Variants in ACER2 observed in about 807,000 individuals in gnomAD.
ACER2 encodes alkaline ceramidase 2, also known as alkCDase 2.
ACER2 carries 26 observed loss-of-function variants against 34.7 expected under a neutral mutation model. That is an observed-to-expected ratio of 0.75 (90% confidence interval 0.55 to 1.04). The LOEUF is 1.04. Ranked by LOEUF, ACER2 falls within the 50% of genes least tolerant of loss-of-function variation. The pLI is 0.00. For missense variants in ACER2, 352 were observed against 340.8 expected, an observed-to-expected ratio of 1.03 and a Z score of -0.26; for synonymous variants, 138 against 132.1, an observed-to-expected ratio of 1.04 and a Z score of -0.31.
At chr9:19,445,603 A>G (rs774164221) in intron 4 of ACER2, among the ~76,000 whole-genome samples, 14 of 152,220 alleles carry the variant, frequency 9.2e-5, no homozygotes, top group Non-Finnish European at 1.2e-4. Context: ...ATTCCAGGCA[A>G]GAGGGCACAG....
At chr9:19,444,751 C>G (rs575402854) in intron 4 of ACER2, among the ~76,000 whole-genome samples, 2 of 152,302 alleles carry the variant, frequency 1.3e-5, no homozygotes, top group African/African-American at 4.8e-5. Context: ...AAAGGCGAGG[C>G]ATTCAAGGTA....
chr9:19,444,247 T>TG (rs1831265944), intron 4 of ACER2, among the ~76,000 whole-genome samples: 1 of 149,816 alleles, frequency 6.7e-6, no homozygotes, highest in East Asian at 2.0e-4. Context: ...AGTCTTGCTC[T>TG]GTCCCCTGGG....
chr9:19,418,729 G>T (rs1449564994), intron 1 of ACER2, among the ~76,000 whole-genome samples: 1 of 152,134 alleles, frequency 6.6e-6, no homozygotes, highest in East Asian at 1.9e-4. Flanking sequence ...AGCATTAGGA[G>T]AAATACCTAA....
chr9:19,433,569 C>G (rs1013492111), intron 3 of ACER2, among the ~76,000 whole-genome samples: 1 of 152,138 alleles, frequency 6.6e-6, no homozygotes, highest in African/African-American at 2.4e-5. Context: ...TACACAGACA[C>G]GGCAACCATC....
intron 3 of ACER2, among the ~76,000 whole-genome samples, chr9:19,432,468 G>A (rs1830785559): frequency 6.6e-6 from 1 of 151,952 alleles, no homozygotes; most frequent in Non-Finnish European, 1.5e-5. Context: ...TTGGCACCCA[G>A]CCATGCTCCT....
intron 4 of ACER2, among the ~76,000 whole-genome samples, chr9:19,440,714 CCCTGAAAGATCT>C (rs751868665): frequency 7.9e-4 from 120 of 152,282 alleles, no homozygotes; most frequent in Non-Finnish European, 1.4e-3. Flanking sequence ...TTTTACGTCC[CCCTGAAAGATCT>C]CCTCTACTTC....
At chr9:19,445,764 C>T (rs1458004525) in intron 4 of ACER2, among the ~76,000 whole-genome samples, 1 of 152,106 alleles carries the variant, frequency 6.6e-6, no homozygotes, top group Non-Finnish European at 1.5e-5. Flanking sequence ...GGCCTTGTGG[C>T]CACTGTGAAT....
At chr9:19,424,289 A>G in intron 2 of ACER2, 2 of 900,642 alleles carry the variant, frequency 2.2e-6, no homozygotes, top group African/African-American at 1.8e-5. Flanking sequence ...CTAATGGACT[A>G]AAATTAAAGA....
At chr9:19,424,917 A>G in intron 3 of ACER2, 76 bp downstream of exon 3, 1 of 1,556,696 alleles carries the variant, frequency 6.4e-7, no homozygotes, top group Non-Finnish European at 8.7e-7. Flanking sequence ...ATGAAGAAAA[A>G]TAGCACATGA....
chr9:19,446,286 A>G lies in ACER2; in HGVS notation c.509A>G (p.Asp170Gly). 6.2e-7 allele frequency: 1 copy of G among 1,614,126 alleles called. No individual in the cohort carries two copies. The highest frequency in any genetic ancestry group is 8.5e-7 in the Non-Finnish European group (1 of 1,180,022). Residue 170 changes from aspartate (D) to glycine (G), a missense_variant, in exon 5 of 6, where the codon GAC (aspartate) becomes GGC (glycine). Asp to Gly is a moderately conservative substitution (Grantham distance 94). Transcript: ENST00000340967. ...ALLIAELKRC[D>G]NMRVFKLGLF... is the part of the protein sequence containing the mutation. ...CTCTCTGGACCCCCGTGCAGGTGTG[A>G]CAACATGCGTGTGTTTAAGCTGGGC...
intron 1 of ACER2, among the ~76,000 whole-genome samples, chr9:19,416,577 G>A (rs1035362770): frequency 3.0e-4 from 45 of 152,136 alleles, no homozygotes; most frequent in African/African-American, 9.4e-4. Context: ...CCAGGCTGGA[G>A]TGCAATGGTG....
chr9:19,426,841 C>G (rs1254802728), intron 3 of ACER2, among the ~76,000 whole-genome samples: 1 of 151,940 alleles, frequency 6.6e-6, no homozygotes, highest in East Asian at 1.9e-4. Flanking sequence ...GCAGGAAGAT[C>G]TCTTGAGCCC....
chr9:19,419,254 T>G (rs1323257752), intron 1 of ACER2, among the ~76,000 whole-genome samples: 1 of 152,188 alleles, frequency 6.6e-6, no homozygotes, highest in Non-Finnish European at 1.5e-5. Flanking sequence ...TTGTCCTGAT[T>G]CCTCCATGCC....
chr9:19,419,612 A>G (rs1830340881), intron 1 of ACER2, among the ~76,000 whole-genome samples: 1 of 152,100 alleles, frequency 6.6e-6, no homozygotes, highest in Admixed American at 6.5e-5. Flanking sequence ...CTAAAAATAC[A>G]AAAATTAGCC....
At chr9:19,435,779 G>A (rs1188561415) in intron 4 of ACER2, among the ~76,000 whole-genome samples, 1 of 151,616 alleles carries the variant, frequency 6.6e-6, no homozygotes, top group Non-Finnish European at 1.5e-5. Flanking sequence ...GCCGGGCGCA[G>A]TGGCTCATGC....
intron 5 of ACER2, among the ~76,000 whole-genome samples, chr9:19,448,606 CTG>C (rs1235323359): frequency 6.6e-6 from 1 of 152,140 alleles, no homozygotes; most frequent in African/African-American, 2.4e-5. Context: ...TCCAGAGAAA[CTG>C]TACCATTAAC....
At chr9:19,440,966 T>C (rs1366609657) in intron 4 of ACER2, among the ~76,000 whole-genome samples, 1 of 152,184 alleles carries the variant, frequency 6.6e-6, no homozygotes, top group Non-Finnish European at 1.5e-5. Context: ...GAGCACCATT[T>C]ACCCAGTTAC....
At position 19,409,150 on chromosome 9, in the gene ACER2, C is replaced by T. The variant is rs1178128576; in HGVS notation, c.66C>T (p.Asp22=). 6 of 1,606,852 alleles carry T rather than the reference C, an allele frequency of 3.7e-6. No individual in the cohort carries two copies. Among genetic ancestry groups the T allele is most frequent in the Non-Finnish European group, 5.1e-6 (6 of 1,177,210 alleles). The change falls in exon 1 of 6, where the codon GAC becomes GAT. Residue 22 remains aspartate, a synonymous_variant. Transcript: ENST00000340967. ...GCTCGGAGGTGGACTGGTGCGAGGA[C>T]AACTACACCATCGTGCCTGCTATCG... ...AGSSEVDWCE[D]NYTIVPAIAE...
intron 5 of ACER2, among the ~76,000 whole-genome samples, chr9:19,449,523 T>C (rs564281773): frequency 5.3e-5 from 8 of 152,308 alleles, no homozygotes; most frequent in African/African-American, 1.4e-4. Context: ...ATCTTTTCTA[T>C]AGGATTTCTG....
Sources: allele counts gnomAD v4.1 joint callset (sites outside exome capture counted in the v4.1 genomes callset), GRCh38; gene constraint gnomAD v4.1.1; transcripts MANE v1.5; gene names NCBI Gene and HGNC (gene_info 2026-07-23, HGNC 2026-07-21).